CUEDC1: variants seen among roughly 807,000 people sequenced by gnomAD.
CUEDC1 encodes CUE domain containing 1, also known as CUE domain-containing protein 1.
Under a neutral mutation model 43.7 loss-of-function variants are expected in CUEDC1, and 30 were observed. The ratio of observed to expected loss-of-function variants is 0.69; its 90% CI spans 0.51 to 0.93. CUEDC1 has a LOEUF of 0.93. CUEDC1 is among the 40% of genes least tolerant of loss of function. The probability of loss-of-function intolerance (pLI) is 0.00; values close to 1 mark genes in which losing one functional copy is unlikely to be tolerated. For synonymous variants in CUEDC1, 223 were observed against 223.6 expected, an observed-to-expected ratio of 1.00 and a Z score of 0.02; for missense variants, 486 against 549.0, an observed-to-expected ratio of 0.89 and a Z score of 1.15.
At chr17:57,870,370 C>T (rs1415168468) in intron 6 of CUEDC1, among the ~76,000 whole-genome samples, 2 of 152,254 alleles carry the variant, frequency 1.3e-5, no homozygotes, top group Non-Finnish European at 2.9e-5. Flanking sequence ...TCTTTACAGG[C>T]AATTCTTACT....
chr17:57,865,494 G>A (rs969395528), intron 10 of CUEDC1, among the ~76,000 whole-genome samples: 3 of 152,240 alleles, frequency 2.0e-5, no homozygotes, highest in African/African-American at 7.2e-5. Context: ...AGAAAGCCTT[G>A]TAGATGCTGC....
chr17:57,882,960 G>A, intron 2 of CUEDC1, among the ~76,000 whole-genome samples: 1 of 152,114 alleles, frequency 6.6e-6, no homozygotes, highest in East Asian at 1.9e-4. Context: ...TTAAAAAGTG[G>A]ATTTTTGACT....
intron 8 of CUEDC1, 81 bp downstream of exon 8, chr17:57,868,069 G>T: frequency 1.7e-6 from 2 of 1,180,376 alleles, no homozygotes; most frequent in Non-Finnish European, 2.5e-6. Context: ...GGAGGGCACA[G>T]CTGCAGGGAG....
intron 1 of CUEDC1, among the ~76,000 whole-genome samples, chr17:57,907,030 A>ACTACT (rs2074536705): frequency 6.6e-6 from 1 of 150,850 alleles, no homozygotes; most frequent in African/African-American, 2.4e-5. Context: ...AGAAGGGGGC[A>ACTACT]CTACTCGGGC....
In CUEDC1 at chr17:57,866,836, A is replaced by G. The variant is rs112978600; in HGVS notation, c.1094-292T>C. On this transcript the variant is annotated intron_variant, in intron 9 of 10. Coordinates refer to ENST00000577830, the MANE Select transcript of CUEDC1 (RefSeq NM_001271875.2). Reference sequence around the variant, plus strand: ...GGGATGGAAAAGCTGGACTATCTAGATGACCTCTGAGGCCCTTCCAGTCCT... The same window carrying G: ...GGGATGGAAAAGCTGGACTATCTAGGTGACCTCTGAGGCCCTTCCAGTCCT... 3,028 of 438,774 alleles carry G rather than the reference A, an allele frequency of 6.9e-3. 63 individuals are homozygous for G. The highest frequency in any genetic ancestry group is 0.051 in the African/African-American group (2,561 of 50,448). 27.2% of individuals were successfully genotyped at this position (438,774 alleles called of 1,614,324 possible).
chr17:57,935,200 T>C (rs577291150), intron 1 of CUEDC1, among the ~76,000 whole-genome samples: 1 of 152,280 alleles, frequency 6.6e-6, no homozygotes, highest in South Asian at 2.1e-4. Flanking sequence ...TGGTTTAGTG[T>C]TTTCTCTGAG....
intron 3 of CUEDC1, among the ~76,000 whole-genome samples, chr17:57,877,104 T>A (rs577425412): frequency 1.3e-5 from 2 of 152,296 alleles, no homozygotes; most frequent in African/African-American, 4.8e-5. Flanking sequence ...CCTCAGGGCA[T>A]CCACTCCCAG....
At chr17:57,871,392 G>T (rs763351554) in intron 5 of CUEDC1, 23 bp from the exon 6 acceptor site, 4 of 1,605,088 alleles carry the variant, frequency 2.5e-6, no homozygotes, top group Non-Finnish European at 3.4e-6. Flanking sequence ...CACATTCACA[G>T]GTCAGGGAGG....
rs922133458 is a variant in CUEDC1, at chr17:57,883,970, G to C, written c.336+1259C>G. ...GATACTGGGTGGCCAGATGTCCACT[G>C]AACTCGGGTGGGACTGGAAAGGACT... On this transcript the variant is annotated intron_variant, in intron 2 of 10. Transcript: ENST00000577830. Among the ~76,000 whole-genome samples the C allele has an allele frequency of 1.6e-4, 24 of 152,052 alleles. 1 individual carries two copies. The highest frequency in any genetic ancestry group is 5.1e-4 in the African/African-American group (21 of 41,406).
At chr17:57,941,370 A>C (rs1375915221) in intron 1 of CUEDC1, among the ~76,000 whole-genome samples, 1 of 152,186 alleles carries the variant, frequency 6.6e-6, no homozygotes, top group Non-Finnish European at 1.5e-5. Flanking sequence ...AGCTAGATAA[A>C]AGTTAGGTAG....
intron 1 of CUEDC1, among the ~76,000 whole-genome samples, chr17:57,909,818 G>C (rs2074564866): frequency 6.6e-6 from 1 of 152,218 alleles, no homozygotes; most frequent in Non-Finnish European, 1.5e-5. Flanking sequence ...CTTCTCCAGA[G>C]CAATGGGGAG....
rs964680670 is a variant in CUEDC1 at position 57,900,295 on chromosome 17, G to C, written c.-315-14416C>G. On this transcript the variant is annotated intron_variant, in intron 1 of 10. Coordinates refer to ENST00000577830, the MANE Select transcript of CUEDC1 (RefSeq NM_001271875.2). Reference sequence around the variant, plus strand: ...ATTGAAATCTTCCAGGGATATAGGTGGGGGCTGGGGGAGCCGGTCAGGACC... The same window carrying C: ...ATTGAAATCTTCCAGGGATATAGGTCGGGGCTGGGGGAGCCGGTCAGGACC... Among the ~76,000 whole-genome samples, 8 of 152,314 alleles carry C rather than the reference G, an allele frequency of 5.3e-5. No individual in the cohort carries two copies. In the East Asian group the frequency reaches 7.7e-4, roughly 15 times the overall value.
intron 10 of CUEDC1, among the ~76,000 whole-genome samples, chr17:57,863,570 C>A (rs746100683): frequency 6.6e-6 from 1 of 152,060 alleles, no homozygotes; most frequent in Non-Finnish European, 1.5e-5. Flanking sequence ...AGGGCTTCAA[C>A]GTGGGAGGGT....
At chr17:57,915,549 G>A (rs1466942154) in intron 1 of CUEDC1, among the ~76,000 whole-genome samples, 2 of 152,318 alleles carry the variant, frequency 1.3e-5, no homozygotes, top group East Asian at 3.9e-4. Context: ...CTACGTTAAA[G>A]TTAGCACATG....
chr17:57,878,815 C>A (rs189230117), intron 3 of CUEDC1, among the ~76,000 whole-genome samples: 7 of 152,068 alleles, frequency 4.6e-5, no homozygotes, highest in African/African-American at 1.4e-4. Flanking sequence ...TACAGGCATG[C>A]GCCACCACCC....
chr17:57,868,504 C>T, intron 7 of CUEDC1: 5 of 515,890 alleles, frequency 9.7e-6, no homozygotes, highest in South Asian at 6.6e-5. Flanking sequence ...GGACCGCAGG[C>T]GGCTCAAGAT....
At chr17:57,937,966 C>CA (rs974516335) in intron 1 of CUEDC1, among the ~76,000 whole-genome samples, 5 of 151,836 alleles carry the variant, frequency 3.3e-5, no homozygotes, top group African/African-American at 9.7e-5. Context: ...CATGAGAAGC[C>CA]AAAAAATAAA....
chr17:57,915,973 A>T (rs2074635736), intron 1 of CUEDC1, among the ~76,000 whole-genome samples: 1 of 152,262 alleles, frequency 6.6e-6, no homozygotes, highest in South Asian at 2.1e-4. Context: ...TCATATGACA[A>T]AAACTTTGCA....
chr17:57,869,219 C>T (rs375413839), intron 6 of CUEDC1, 26 bp from the exon 7 acceptor site: 46 of 1,608,384 alleles, frequency 2.9e-5, no homozygotes, highest in East Asian at 2.2e-4. Flanking sequence ...TGCTGAAGGC[C>T]GGCCACCGTG....
Sources: allele counts gnomAD v4.1 joint callset (sites outside exome capture counted in the v4.1 genomes callset), GRCh38; gene constraint gnomAD v4.1.1; transcripts MANE v1.5; gene names NCBI Gene and HGNC (gene_info 2026-07-23, HGNC 2026-07-21).